The following CD163L1 variants were observed in gnomAD, a reference collection of about 807,000 sequenced individuals.
CD163L1 encodes the protein scavenger receptor cysteine-rich type 1 protein M160.
A neutral mutation model predicts 165.4 loss-of-function variants in CD163L1; 124 were observed. That is an observed-to-expected ratio of 0.75 (90% CI 0.65 to 0.87). The LOEUF is 0.87. Ranked by LOEUF, CD163L1 falls within the 40% of genes least tolerant of loss-of-function variation. The pLI, the probability that CD163L1 is intolerant of heterozygous loss-of-function variation, is 0.00. For synonymous variants in CD163L1, 585 were observed against 662.2 expected (o/e 0.88, Z 1.79); for missense variants, 1,525 against 1,799.9 (o/e 0.85, Z 2.76).
intron 18 of CD163L1, among the ~76,000 whole-genome samples, chr12:7,358,045 A>G (rs1031955669): frequency 2.6e-5 from 4 of 152,120 alleles, no homozygotes; most frequent in African/African-American, 9.7e-5. Flanking sequence ...ACAAGAAAAA[A>G]GGTGAATAAA....
At chr12:7,431,571 A>G (rs1948628605) in intron 4 of CD163L1, among the ~76,000 whole-genome samples, 1 of 150,582 alleles carries the variant, frequency 6.6e-6, no homozygotes, top group Non-Finnish European at 1.5e-5. Context: ...GAACGCATAG[A>G]CACAGGGCAG....
At chr12:7,435,795 T>C (rs1466178032) in intron 2 of CD163L1, among the ~76,000 whole-genome samples, 1 of 152,016 alleles carries the variant, frequency 6.6e-6, no homozygotes, top group Admixed American at 6.6e-5. Flanking sequence ...CAAATAACTA[T>C]TGACAGGATA....
In CD163L1 at chr12:7,398,342, T is replaced by A. The variant is rs747059205; in HGVS notation, c.1651A>T (p.Asn551Tyr). 3.7e-6 allele frequency: 6 copies of A among 1,614,154 alleles called. No homozygotes were observed. Among genetic ancestry groups the A allele is most frequent in the Non-Finnish European group, 5.1e-6 (6 of 1,180,018 alleles). Residue 551 changes from asparagine to tyrosine, a missense_variant, in exon 7 of 20, where the codon AAT becomes TAT. By Grantham distance (143) the Asn-to-Tyr change is moderately radical. Transcript: ENST00000313599. The surrounding 1 kb of genome is among the most constrained non-coding windows in gnomAD (Gnocchi z 4.5). ...CCACTGTGTTCACAGTCCCAGATATTTGACTCATTTCCAATGCAAGAAACG... is the reference window on the plus strand; with the variant it reads ...CCACTGTGTTCACAGTCCCAGATATATGACTCATTTCCAATGCAAGAAACG... ...DDVSCIGNESNIWDCEHSGWG... is the reference protein window; with the variant it reads ...DDVSCIGNESYIWDCEHSGWG...
chr12:7,320,521 T>C, the CD163L1 span, among the ~76,000 whole-genome samples: 1 of 152,250 alleles, frequency 6.6e-6, no homozygotes, highest in Non-Finnish European at 1.5e-5. Flanking sequence ...AATATTAATA[T>C]ATATACATTC....
At chr12:7,401,085 T>C (rs1448050324) in intron 6 of CD163L1, among the ~76,000 whole-genome samples, 1 of 152,146 alleles carries the variant, frequency 6.6e-6, no homozygotes, top group Non-Finnish European at 1.5e-5. Flanking sequence ...GTTAAATCAG[T>C]TCATATCTGA....
intron 4 of CD163L1, among the ~76,000 whole-genome samples, chr12:7,348,120 G>T (rs775107011): frequency 3.9e-5 from 6 of 152,154 alleles, no homozygotes; most frequent in Non-Finnish European, 5.9e-5. Context: ...ATACCAGGAG[G>T]TGTAAATAGG....
intron 9 of CD163L1, among the ~76,000 whole-genome samples, chr12:7,377,580 G>A (rs781544620): frequency 6.6e-6 from 1 of 152,048 alleles, no homozygotes; most frequent in Non-Finnish European, 1.5e-5. Context: ...TTCTCAACTT[G>A]AAATGATCTC....
Position 7,369,669 on chromosome 12 carries a change from CA to C in CD163L1, c.3731-5del, listed in dbSNP as rs764939440. On this transcript the variant is annotated splice_polypyrimidine_tract_variant and splice_region_variant and intron_variant, in intron 14 of 19. Transcript: ENST00000313599. The surrounding 1 kb of genome is among the most constrained non-coding windows in gnomAD (Gnocchi z 4.9). ...CCTCCACGCACTCTTATTCTATCTA[CA>C]AAGGCACAAAACATGGCTGTCTTTA... The C allele has an allele frequency of 1.9e-6, 3 of 1,606,418 alleles. No individual in the cohort carries two copies. In the South Asian group the frequency reaches 3.3e-5, roughly 18 times the overall value.
intron 6 of CD163L1, among the ~76,000 whole-genome samples, chr12:7,401,765 A>C (rs1947919760): frequency 6.6e-6 from 1 of 152,252 alleles, no homozygotes; most frequent in Non-Finnish European, 1.5e-5. Flanking sequence ...CAACAAAAAA[A>C]TCACAAAAGA....
intron 2 of CD163L1, among the ~76,000 whole-genome samples, chr12:7,434,728 CAGAG>C (rs1221086189): frequency 2.0e-5 from 3 of 151,874 alleles, no homozygotes; most frequent in Non-Finnish European, 4.4e-5. Context: ...CAGACAGAGA[CAGAG>C]AGAGAAACAG....
At chr12:7,422,566 T>C (rs1948458626) in intron 4 of CD163L1, among the ~76,000 whole-genome samples, 2 of 151,712 alleles carry the variant, frequency 1.3e-5, no homozygotes, top group Admixed American at 6.6e-5. Context: ...AACTACTAAC[T>C]AGAATAATCA....
downstream of CD163L1, among the ~76,000 whole-genome samples, chr12:7,353,832 T>A (rs2136367194): frequency 6.6e-6 from 1 of 152,186 alleles, no homozygotes; most frequent in South Asian, 2.1e-4. Context: ...GGCTCTTTAT[T>A]TTAGTGTAGG....
Position 7,403,760 on chromosome 12 carries a change from C to A in CD163L1, c.1183G>T (p.Asp395Tyr). The change falls in exon 6 of 20, where the codon GAC becomes TAC. Residue 395 changes from aspartate to tyrosine, a missense_variant. Physicochemically the swap from Asp to Tyr is radical, Grantham distance 160. Coordinates refer to ENST00000313599, the MANE Select transcript of CD163L1 (RefSeq NM_174941.6). ...GCTTGTTCATTCTTCCAGTTCTGGT[C>A]ACATATTGTCCACCACTGTTCATGA... is the stretch of plus-strand genomic sequence containing the variant. ...RIHEQWWTICDQNWKNEQALV... is the reference protein window; with the variant it reads ...RIHEQWWTICYQNWKNEQALV... 1 of 1,613,938 alleles carries A rather than the reference C, an allele frequency of 6.2e-7. No homozygotes were observed. The highest frequency in any genetic ancestry group is 8.5e-7 in the Non-Finnish European group (1 of 1,179,958).
At chr12:7,393,040 G>GA (rs772003510) in intron 8 of CD163L1, among the ~76,000 whole-genome samples, 2 of 151,356 alleles carry the variant, frequency 1.3e-5, no homozygotes, top group Non-Finnish European at 2.9e-5. Flanking sequence ...CTAATCAACA[G>GA]AAAAAAAAGG....
intron 6 of CD163L1, among the ~76,000 whole-genome samples, chr12:7,402,264 T>C (rs1415536197): frequency 6.6e-6 from 1 of 152,020 alleles, no homozygotes; most frequent in Admixed American, 6.6e-5. Context: ...AGTAATTAGT[T>C]TAAGGGTGTG....
rs144058603 is a variant in CD163L1, at chr12:7,364,190, A to G, written c.4279+3046T>C. Among the ~76,000 whole-genome samples, 205 of 152,296 alleles carry G rather than the reference A, an allele frequency of 1.3e-3. 1 individual carries two copies. Among genetic ancestry groups the G allele is most frequent in the African/African-American group, 4.3e-3 (180 of 41,580 alleles). ...ATTAACAGAATCAAGAACAAAACCCATATGATCATGCCAATAGATGCTAAA... is the reference window on the plus strand; with the variant it reads ...ATTAACAGAATCAAGAACAAAACCCGTATGATCATGCCAATAGATGCTAAA... On this transcript the variant is annotated intron_variant, in intron 18 of 19. Coordinates refer to ENST00000313599, the MANE Select transcript of CD163L1 (RefSeq NM_174941.6).
chr12:7,320,524 A>G, the CD163L1 span, among the ~76,000 whole-genome samples: 2 of 152,244 alleles, frequency 1.3e-5, no homozygotes, highest in African/African-American at 2.4e-5. Flanking sequence ...ATTAATATAT[A>G]TACATTCTTT....
chr12:7,396,787 A>C (rs1036737051), intron 7 of CD163L1, among the ~76,000 whole-genome samples: 3 of 151,944 alleles, frequency 2.0e-5, no homozygotes, highest in Non-Finnish European at 4.4e-5. Context: ...TGCTTATAAA[A>C]TTGATGAACC....
At chr12:7,334,441 C>T in the CD163L1 span, among the ~76,000 whole-genome samples, 1 of 152,138 alleles carries the variant, frequency 6.6e-6, no homozygotes, top group East Asian at 1.9e-4. Context: ...AATTCAACAA[C>T]CCTTCATGCT....
Sources: gnomAD v4.1 joint callset for allele counts (sites outside exome capture counted in the v4.1 genomes callset) on GRCh38, gnomAD v4.1.1 for gene constraint, Gnocchi (gnomAD v3.1) non-coding constraint, MANE v1.5 for transcripts, NCBI Gene and HGNC (gene_info 2026-07-23, HGNC 2026-07-21) for gene names.